Variants in COL25A1 observed in about 807,000 individuals in gnomAD.
COL25A1 encodes collagen alpha-1(XXV) chain.
Under a neutral mutation model 128.4 loss-of-function variants are expected in COL25A1, and 103 were observed. That is an observed-to-expected ratio of 0.80 (90% CI 0.68 to 0.94). The LOEUF (loss-of-function observed/expected upper bound fraction) is 0.94. Among genes scored for constraint, COL25A1 ranks in the 40% least tolerant of loss-of-function variants. The pLI is 0.00. For synonymous variants in COL25A1, 279 were observed against 277.2 expected, an observed-to-expected ratio of 1.01 and a Z score of -0.06; for missense variants, 745 against 840.0, an observed-to-expected ratio of 0.89 and a Z score of 1.40.
chr4:109,031,475 C>A (rs1758862437), intron 5 of COL25A1, among the ~76,000 whole-genome samples: 1 of 152,104 alleles, frequency 6.6e-6, no homozygotes, highest in Non-Finnish European at 1.5e-5. Flanking sequence ...CCTACATTTT[C>A]TGTAGCGAGA....
chr4:109,248,955 C>G (rs1163932058), intron 3 of COL25A1, among the ~76,000 whole-genome samples: 3 of 152,200 alleles, frequency 2.0e-5, no homozygotes, highest in Non-Finnish European at 4.4e-5. Context: ...ATACAATTAA[C>G]TCCATGGTTC....
intron 3 of COL25A1, among the ~76,000 whole-genome samples, chr4:109,226,583 A>G (rs1049989994): frequency 4.6e-5 from 7 of 152,018 alleles, no homozygotes; most frequent in Non-Finnish European, 8.8e-5. Flanking sequence ...GAGACACACA[A>G]TCCTAAAAGA....
chr4:109,198,968 T>C (rs1776337427), intron 3 of COL25A1, among the ~76,000 whole-genome samples: 2 of 152,078 alleles, frequency 1.3e-5, no homozygotes, highest in Admixed American at 1.3e-4. Flanking sequence ...TAAGACCCTA[T>C]TGGGATAGCA....
At chr4:109,130,567 CA>C (rs142229961) in intron 3 of COL25A1, among the ~76,000 whole-genome samples, 12,854 of 152,000 alleles carry the variant, frequency 0.085, 984 homozygotes, top group Admixed American at 0.24. Flanking sequence ...AGGAGTGAAG[CA>C]AACTAGAAAA....
intron 3 of COL25A1, among the ~76,000 whole-genome samples, chr4:109,229,873 G>A (rs1779048138): frequency 6.6e-6 from 1 of 152,182 alleles, no homozygotes; most frequent in Non-Finnish European, 1.5e-5. Context: ...AAAAAAAGAG[G>A]TTTAACTGAT....
intron 3 of COL25A1, among the ~76,000 whole-genome samples, chr4:109,188,284 G>C (rs1403562820): frequency 2.1e-4 from 32 of 152,150 alleles, no homozygotes; most frequent in Admixed American, 2.1e-3. Flanking sequence ...TCCTTCCAAG[G>C]AGACTGAGCT....
At chr4:109,241,515 T>C (rs1479092132) in intron 3 of COL25A1, among the ~76,000 whole-genome samples, 1 of 151,900 alleles carries the variant, frequency 6.6e-6, no homozygotes, top group African/African-American at 2.4e-5. Context: ...GTCTGTTTTC[T>C]AGATGGTTTC....
intron 3 of COL25A1, among the ~76,000 whole-genome samples, chr4:109,248,549 G>C (rs539171979): frequency 2.3e-4 from 35 of 151,518 alleles, no homozygotes; most frequent in African/African-American, 8.6e-4. Context: ...CACACAAAAA[G>C]AATCAGCATC....
chr4:109,099,898 CAAATT>C (rs1273407691), intron 3 of COL25A1, among the ~76,000 whole-genome samples: 1 of 152,064 alleles, frequency 6.6e-6, no homozygotes, highest in African/African-American at 2.4e-5. Context: ...ATCTTTCAAT[CAAATT>C]AAAACAGCAG....
chr4:109,197,201 C>T (rs1005916978), intron 3 of COL25A1, among the ~76,000 whole-genome samples: 1 of 149,510 alleles, frequency 6.7e-6, no homozygotes, highest in African/African-American at 2.5e-5. Context: ...CGGTGCATGC[C>T]TCTAATCCCA....
In COL25A1 at chr4:109,098,286, G is replaced by A. The variant is rs74452738; in HGVS notation, c.368-48107C>T. Among the ~76,000 whole-genome samples the A allele has an allele frequency of 4.5e-3, 685 of 152,282 alleles. 5 individuals carry two copies. The highest frequency in any genetic ancestry group is 0.016 in the African/African-American group (646 of 41,544). ...GGAAGTGTCTGTGGGCCAAGGGAAG[G>A]CCCTGGATAATCGGACATGTAAGTG... On this transcript the variant is annotated intron_variant, in intron 3 of 37. Coordinates refer to ENST00000399132, the MANE Select transcript of COL25A1 (RefSeq NM_198721.4).
intron 3 of COL25A1, among the ~76,000 whole-genome samples, chr4:109,118,857 T>G (rs1767850222): frequency 6.6e-6 from 1 of 151,932 alleles, no homozygotes; most frequent in South Asian, 2.1e-4. Context: ...GACCCATCAA[T>G]CAACTGGGGG....
At chr4:109,114,390 T>C (rs1767322433) in intron 3 of COL25A1, among the ~76,000 whole-genome samples, 2 of 152,054 alleles carry the variant, frequency 1.3e-5, no homozygotes, top group Admixed American at 6.6e-5. Flanking sequence ...AGTATGAATG[T>C]AGGTGGACAT....
At chr4:108,955,044 A>G (rs1163260086) in intron 8 of COL25A1, among the ~76,000 whole-genome samples, 1 of 152,072 alleles carries the variant, frequency 6.6e-6, no homozygotes, top group Non-Finnish European at 1.5e-5. Flanking sequence ...ATAAGTGACC[A>G]GTTCTACCAC....
intron 13 of COL25A1, among the ~76,000 whole-genome samples, chr4:108,910,007 A>G (rs1744019106): frequency 6.6e-6 from 1 of 152,158 alleles, no homozygotes; most frequent in Non-Finnish European, 1.5e-5. Context: ...ACTCTTTCTG[A>G]ATACATATCT....
intron 8 of COL25A1, 108 bp from the exon 9 acceptor site, chr4:108,941,545 A>T: frequency 1.3e-6 from 1 of 752,392 alleles, no homozygotes; most frequent in Non-Finnish European, 2.3e-6. Flanking sequence ...TTAGACTTAT[A>T]ATGATTATTA....
At chr4:108,866,990 T>A (rs1451301733) in intron 20 of COL25A1, among the ~76,000 whole-genome samples, 1 of 152,250 alleles carries the variant, frequency 6.6e-6, no homozygotes, top group Admixed American at 6.5e-5. Context: ...TTAGTTTTAC[T>A]CAGGGTTCAG....
chr4:108,988,743 T>C (rs1167337610), intron 6 of COL25A1, among the ~76,000 whole-genome samples: 1 of 152,244 alleles, frequency 6.6e-6, no homozygotes, highest in African/African-American at 2.4e-5. Flanking sequence ...CTGAAGTTAC[T>C]GAATAACTTT....
intron 8 of COL25A1, among the ~76,000 whole-genome samples, chr4:108,957,435 A>G (rs1390440419): frequency 6.6e-6 from 1 of 152,172 alleles, no homozygotes; most frequent in Non-Finnish European, 1.5e-5. Flanking sequence ...TTTAAGGTTC[A>G]TTTCACCCAT....
Sources: gnomAD v4.1 joint callset for allele counts (sites outside exome capture counted in the v4.1 genomes callset) on GRCh38, gnomAD v4.1.1 for gene constraint, MANE v1.5 for transcripts, NCBI Gene and HGNC (gene_info 2026-07-23, HGNC 2026-07-21) for gene names.